The following NCAM2 variants were observed in gnomAD, a reference collection of about 807,000 sequenced individuals.
NCAM2 encodes neural cell adhesion molecule 2, also known as N-CAM-2.
Under a neutral mutation model 98.1 loss-of-function variants are expected in NCAM2, and 30 were observed. The ratio of observed to expected loss-of-function variants is 0.31; its 90% CI spans 0.23 to 0.41. The LOEUF (loss-of-function observed/expected upper bound fraction) is 0.41, where lower values mean the gene tolerates loss of function less well. NCAM2 is among the 10% of genes least tolerant of loss of function. NCAM2 has a pLI of 1.00. For missense variants in NCAM2, 867 were observed against 1,005.8 expected, an observed-to-expected ratio of 0.86 and a Z score of 1.87; for synonymous variants, 368 against 342.4, an observed-to-expected ratio of 1.07 and a Z score of -0.83.
intron 1 of NCAM2, chr21:21,223,339 A>G (rs1197648733): frequency 6.6e-6 from 1 of 152,036 alleles, no homozygotes; most frequent in Non-Finnish European, 1.5e-5. Context: ...GGATTTTTTC[A>G]TTTCATATCT....
At chr21:21,313,001 A>C (rs1411806411) in intron 5 of NCAM2, among the ~76,000 whole-genome samples, 2 of 151,794 alleles carry the variant, frequency 1.3e-5, no homozygotes, top group Non-Finnish European at 2.9e-5. Flanking sequence ...CAACATTGAT[A>C]AGTTTGTGTG....
At chr21:21,315,276 C>A (rs1001468050) in intron 5 of NCAM2, among the ~76,000 whole-genome samples, 2 of 152,114 alleles carry the variant, frequency 1.3e-5, no homozygotes, top group Non-Finnish European at 2.9e-5. Flanking sequence ...GTTTAGAATC[C>A]GATTCAATAA....
intron 1 of NCAM2, among the ~76,000 whole-genome samples, chr21:21,000,904 A>T (rs2064009255): frequency 6.6e-6 from 1 of 152,088 alleles, no homozygotes; most frequent in East Asian, 1.9e-4. Context: ...AAAAAAACAG[A>T]CCTAGTGTAA....
intron 15 of NCAM2, among the ~76,000 whole-genome samples, chr21:21,478,602 A>G (rs1446478395): frequency 6.6e-6 from 1 of 152,052 alleles, no homozygotes; most frequent in African/African-American, 2.4e-5. Context: ...TTTAAAAAGT[A>G]ATTGATATTA....
intron 1 of NCAM2, among the ~76,000 whole-genome samples, chr21:21,189,717 A>G (rs1010662184): frequency 6.6e-6 from 1 of 152,224 alleles, no homozygotes; most frequent in African/African-American, 2.4e-5. Context: ...ACTAGAAATC[A>G]TAAAGTGATG....
chr21:21,532,736 T>C (rs1210359759), intron 16 of NCAM2, among the ~76,000 whole-genome samples: 1 of 152,146 alleles, frequency 6.6e-6, no homozygotes, highest in Non-Finnish European at 1.5e-5. Flanking sequence ...ACTGGCATAA[T>C]GCAGAATTTT....
chr21:21,280,327 T>G (rs1236932648), intron 1 of NCAM2, among the ~76,000 whole-genome samples: 2 of 152,190 alleles, frequency 1.3e-5, no homozygotes, highest in African/African-American at 4.8e-5. Flanking sequence ...ATTTGTTCAT[T>G]TACTTGACTA....
intron 12 of NCAM2, chr21:21,463,627 T>C (rs1983288816): frequency 6.6e-6 from 1 of 152,152 alleles, no homozygotes. Context: ...GGTCAGTACA[T>C]GGGTAAGCCT....
chr21:21,331,666 T>C (rs2147840850), intron 6 of NCAM2, among the ~76,000 whole-genome samples: 1 of 125,294 alleles, frequency 8.0e-6, no homozygotes, highest in Admixed American at 8.6e-5. Context: ...CTTGGCCCAC[T>C]GCAACCTCTA....
At chr21:21,305,920 CA>C (rs2073865869) in intron 5 of NCAM2, among the ~76,000 whole-genome samples, 1 of 152,014 alleles carries the variant, frequency 6.6e-6, no homozygotes, top group African/African-American at 2.4e-5. Context: ...AACTTTATTT[CA>C]CAAGTTTTGA....
intron 1 of NCAM2, among the ~76,000 whole-genome samples, chr21:21,085,469 G>T (rs2065889179): frequency 6.6e-6 from 1 of 152,024 alleles, no homozygotes; most frequent in Non-Finnish European, 1.5e-5. Context: ...CAGCCATGTT[G>T]CTGTCTCATG....
In NCAM2 at chr21:21,543,073, A is replaced by G. The variant is rs1467110015; in HGVS notation, c.*5116A>G. ...CTGTGCTCAGTATGTACTGAAACATACTATCTTTTATTTTCTTTAATTTAT... is the reference window on the plus strand; with the variant it reads ...CTGTGCTCAGTATGTACTGAAACATGCTATCTTTTATTTTCTTTAATTTAT... On this transcript the variant is annotated 3_prime_UTR_variant, in exon 18 of 18. Transcript: ENST00000400546. 3.3e-5 allele frequency: 5 copies of G among 151,856 alleles called. No individual in the cohort carries two copies. In the South Asian group the frequency reaches 6.2e-4, roughly 19 times the overall value. 9.4% of individuals were successfully genotyped at this position (151,856 alleles called of 1,614,324 possible).
chr21:21,448,438 T>C (rs1980526704), intron 12 of NCAM2, among the ~76,000 whole-genome samples: 1 of 151,846 alleles, frequency 6.6e-6, no homozygotes, highest in Non-Finnish European at 1.5e-5. Context: ...GGTCTATAGG[T>C]GCAGCAAACC....
intron 5 of NCAM2, among the ~76,000 whole-genome samples, chr21:21,323,640 ATTTC>A (rs2074434678): frequency 1.3e-5 from 2 of 152,176 alleles, no homozygotes; most frequent in African/African-American, 4.8e-5. Flanking sequence ...CAAACAGTGC[ATTTC>A]AGTAACAGTT....
intron 1 of NCAM2, among the ~76,000 whole-genome samples, chr21:21,182,358 T>C (rs1305716960): frequency 1.3e-5 from 2 of 152,152 alleles, no homozygotes; most frequent in Non-Finnish European, 2.9e-5. Context: ...ATCTCTACCA[T>C]GAATTCTCTG....
At chr21:21,366,171 T>C (rs556609761) in intron 8 of NCAM2, among the ~76,000 whole-genome samples, 11 of 152,152 alleles carry the variant, frequency 7.2e-5, no homozygotes, top group African/African-American at 2.4e-4. Flanking sequence ...TTTGGGAGAT[T>C]TACGTAAAAA....
chr21:21,143,459 T>C (rs2067209232), intron 1 of NCAM2, among the ~76,000 whole-genome samples: 1 of 152,158 alleles, frequency 6.6e-6, no homozygotes, highest in South Asian at 2.1e-4. Flanking sequence ...ACCTAATTTC[T>C]CATTGCGTCT....
At chr21:21,338,185 C>T (rs567004209) in intron 7 of NCAM2, among the ~76,000 whole-genome samples, 1 of 152,114 alleles carries the variant, frequency 6.6e-6, no homozygotes, top group East Asian at 1.9e-4. Flanking sequence ...ATAATGGTAA[C>T]AGATGAGTTT....
chr21:21,037,508 A>T (rs1045106190), intron 1 of NCAM2, among the ~76,000 whole-genome samples: 1 of 152,172 alleles, frequency 6.6e-6, no homozygotes, highest in Non-Finnish European at 1.5e-5. Context: ...TTGATTATTC[A>T]CTTAAAAGTA....
Sources: gnomAD v4.1 joint callset for allele counts (sites outside exome capture counted in the v4.1 genomes callset) on GRCh38, gnomAD v4.1.1 for gene constraint, MANE v1.5 for transcripts, NCBI Gene and HGNC (gene_info 2026-07-23, HGNC 2026-07-21) for gene names.